The following STT3B variants were observed in gnomAD, a reference collection of about 807,000 sequenced individuals.
STT3B encodes the protein dolichyl-diphosphooligosaccharide--protein glycosyltransferase subunit STT3B.
In STT3B, 29 loss-of-function variants were observed where a neutral mutation model predicts 96.8. That is an observed-to-expected ratio of 0.30 (90% CI 0.22 to 0.41). The LOEUF is 0.41. Among genes scored for constraint, STT3B ranks in the 10% least tolerant of loss-of-function variants. STT3B has a pLI of 1.00. For missense variants in STT3B, 640 were observed against 1,022.3 expected (o/e 0.63, Z 5.10); for synonymous variants, 367 against 360.0 (o/e 1.02, Z -0.22).
intron 11 of STT3B, among the ~76,000 whole-genome samples, chr3:31,624,382 A>C (rs1203418810): frequency 6.6e-6 from 1 of 152,228 alleles, no homozygotes; most frequent in Admixed American, 6.5e-5. Context: ...ATAATCATAT[A>C]CATTAGTTTT....
rs114961971 is a variant in STT3B, at chr3:31,562,838, G to T, written c.315-13558G>T. The stretch of plus-strand genomic sequence containing the variant: ...TAATGGGGCCTGTGTTCTCAAAATG[G>T]CACCATGTTGTAGCTGCTTAGGTTC... On this transcript the variant is annotated intron_variant, in intron 1 of 15. Coordinates refer to ENST00000295770, the MANE Select transcript of STT3B (RefSeq NM_178862.3). 3.5e-3 allele frequency among the ~76,000 whole-genome samples: 532 copies of T among 152,268 alleles called. 4 individuals carry two copies. Among genetic ancestry groups the T allele is most frequent in the African/African-American group, 0.012 (503 of 41,548 alleles).
At chr3:31,569,858 A>G (rs1698097196) in intron 1 of STT3B, among the ~76,000 whole-genome samples, 1 of 152,060 alleles carries the variant, frequency 6.6e-6, no homozygotes, top group Non-Finnish European at 1.5e-5. Flanking sequence ...TTGCATATAT[A>G]TGTATTATGT....
chr3:31,574,437 A>G (rs991948753), intron 1 of STT3B, among the ~76,000 whole-genome samples: 3 of 152,132 alleles, frequency 2.0e-5, no homozygotes, highest in African/African-American at 7.2e-5. Flanking sequence ...TTAAGCCTTT[A>G]GATAGAGAAG....
At chr3:31,577,320 G>A (rs906919222) in intron 2 of STT3B, among the ~76,000 whole-genome samples, 6 of 151,808 alleles carry the variant, frequency 4.0e-5, no homozygotes, top group South Asian at 4.1e-4. Context: ...TGCATTTTAA[G>A]CCTAGAAACT....
chr3:31,534,708 C>G (rs1697041076), intron 1 of STT3B, among the ~76,000 whole-genome samples: 1 of 152,190 alleles, frequency 6.6e-6, no homozygotes, highest in Admixed American at 6.5e-5. Context: ...CAGAGGGGCC[C>G]ACTCATGGAC....
chr3:31,597,492 T>TAG (rs1461695082), intron 4 of STT3B, among the ~76,000 whole-genome samples: 5 of 152,084 alleles, frequency 3.3e-5, no homozygotes, highest in Non-Finnish European at 5.9e-5. Flanking sequence ...TGTCTTTCTC[T>TAG]GTTAGCCAAT....
intron 1 of STT3B, among the ~76,000 whole-genome samples, chr3:31,554,576 T>A (rs1234671945): frequency 6.6e-6 from 1 of 152,208 alleles, no homozygotes; most frequent in African/African-American, 2.4e-5. Flanking sequence ...TCTCTGAAAC[T>A]TTAAGAAGGT....
At chr3:31,541,521 G>A (rs1246292381) in intron 1 of STT3B, among the ~76,000 whole-genome samples, 1 of 126,636 alleles carries the variant, frequency 7.9e-6, no homozygotes, top group Non-Finnish European at 1.6e-5. Context: ...CATCCTTGTT[G>A]GTCAAAGGAT....
chr3:31,587,257 T>C (rs1353971859), intron 3 of STT3B, among the ~76,000 whole-genome samples: 1 of 103,052 alleles, frequency 9.7e-6, no homozygotes, highest in Non-Finnish European at 2.6e-5. Context: ...CAGAACATTT[T>C]AACACTCCAA....
rs1176884329 is a variant in STT3B at position 31,619,768 on chromosome 3, T to C, written c.1265T>C (p.Val422Ala). The change falls in exon 9 of 16, where the codon GTA becomes GCA. Residue 422 changes from valine (V) to alanine (A), a missense_variant. Around this residue, in one of 8 missense-constraint regions of STT3B, gnomAD observed 33 missense variants for 43.1 expected, o/e 0.77. Coordinates refer to ENST00000295770, the MANE Select transcript of STT3B (RefSeq NM_178862.3). ...TTCTTCTTTGATCTACATATTCTTG[T>C]ATGTACCTTCCCAGCAGGCCTTTGG... ...VSFFFDLHIL[V>A]CTFPAGLWFC... The C allele has an allele frequency of 3.1e-6, 5 of 1,613,936 alleles. No individual in the cohort carries two copies. The highest frequency in any genetic ancestry group is 1.3e-5 in the African/African-American group (1 of 75,038).
intron 11 of STT3B, 150 bp from the exon 12 acceptor site, chr3:31,624,764 C>G: frequency 2.0e-6 from 1 of 488,230 alleles, no homozygotes; most frequent in Non-Finnish European, 3.6e-6. Context: ...CATTGTTTCA[C>G]TTTTTTTTTT....
At chr3:31,613,509 G>T (rs1274538765) in intron 5 of STT3B, among the ~76,000 whole-genome samples, 1 of 152,076 alleles carries the variant, frequency 6.6e-6, no homozygotes, top group Non-Finnish European at 1.5e-5. Flanking sequence ...GTTGATCATA[G>T]AATCTTAGTT....
intron 1 of STT3B, among the ~76,000 whole-genome samples, chr3:31,571,460 T>C (rs1698134155): frequency 6.6e-6 from 1 of 152,154 alleles, no homozygotes; most frequent in Admixed American, 6.6e-5. Flanking sequence ...TGCACAATTC[T>C]CATGCCCATC....
chr3:31,552,770 G>T (rs1225473148), intron 1 of STT3B, among the ~76,000 whole-genome samples: 1 of 152,116 alleles, frequency 6.6e-6, no homozygotes, highest in Non-Finnish European at 1.5e-5. Context: ...CTGTTTGCTA[G>T]TATCTTTAGC....
chr3:31,627,644 G>T (rs1418994580), intron 13 of STT3B, among the ~76,000 whole-genome samples: 2 of 152,170 alleles, frequency 1.3e-5, no homozygotes, highest in Non-Finnish European at 2.9e-5. Flanking sequence ...TAAAGCCTCA[G>T]ATTTCCTGGT....
At chr3:31,598,965 A>G (rs1322596791) in intron 4 of STT3B, among the ~76,000 whole-genome samples, 1 of 151,978 alleles carries the variant, frequency 6.6e-6, no homozygotes, top group Non-Finnish European at 1.5e-5. Context: ...ATGTGCCACC[A>G]TGCCTGGCTG....
Position 31,633,299 on chromosome 3 carries a change from CTAGG to C in STT3B, c.2400+153_2400+156del. The C allele has an allele frequency of 7.2e-6, 5 of 697,194 alleles. No homozygotes were observed. The Admixed American group carries it at 1.5e-4, about 21-fold the overall frequency. The allele number at this position is 697,194 out of a possible 1,614,324, so 43.2% of individuals were successfully genotyped here. On this transcript the variant is annotated intron_variant, in intron 15 of 15. Coordinates refer to ENST00000295770, the MANE Select transcript of STT3B (RefSeq NM_178862.3). ...ACGAAGTAAATATCAGCCTAGCCTG[CTAGG>C]AGCATTCCTTTCAAACTGAGCACTT... is the stretch of plus-strand genomic sequence containing the variant.
At chr3:31,581,342 A>G (rs1247755953) in intron 3 of STT3B, among the ~76,000 whole-genome samples, 1 of 152,210 alleles carries the variant, frequency 6.6e-6, no homozygotes, top group Non-Finnish European at 1.5e-5. Flanking sequence ...TTTGAATTTG[A>G]AAGTCTGAAT....
chr3:31,566,536 A>T (rs1035373371), intron 1 of STT3B, among the ~76,000 whole-genome samples: 3 of 152,130 alleles, frequency 2.0e-5, no homozygotes, highest in Non-Finnish European at 4.4e-5. Flanking sequence ...CCCTTCTTGA[A>T]CATCTTTTTC....
Sources: gnomAD v4.1 joint callset for allele counts (sites outside exome capture counted in the v4.1 genomes callset) on GRCh38, gnomAD v4.1.1 for gene constraint, gnomAD v4.1.1 regional missense constraint, MANE v1.5 for transcripts, NCBI Gene and HGNC (gene_info 2026-07-23, HGNC 2026-07-21) for gene names.